The following PPARGC1A variants were observed in gnomAD, a reference collection of about 807,000 sequenced individuals.
PPARGC1A encodes PPARG coactivator 1 alpha, also known as peroxisome proliferator-activated receptor gamma coactivator 1-alpha.
A neutral mutation model predicts 88.7 loss-of-function variants in PPARGC1A; 25 were observed. The ratio of observed to expected loss-of-function variants is 0.28; its 90% CI spans 0.21 to 0.39. PPARGC1A has a LOEUF of 0.39. Ranked by LOEUF, PPARGC1A falls within the 10% of genes least tolerant of loss-of-function variation. The pLI is 1.00. For missense variants in PPARGC1A, 880 were observed against 968.7 expected, an observed-to-expected ratio of 0.91 and a Z score of 1.22; for synonymous variants, 363 against 355.6, an observed-to-expected ratio of 1.02 and a Z score of -0.24.
At chr4:24,181,925 C>T in the PPARGC1A span, among the ~76,000 whole-genome samples, 11 of 151,954 alleles carry the variant, frequency 7.2e-5, no homozygotes, top group Admixed American at 4.6e-4. Flanking sequence ...TGTGAAGGAA[C>T]GTATCCTTCT....
the PPARGC1A span, among the ~76,000 whole-genome samples, chr4:24,377,683 G>A: frequency 2.6e-5 from 4 of 152,202 alleles, no homozygotes; most frequent in Admixed American, 1.3e-4. Context: ...AAAATGTAGC[G>A]TCGATTTCAG....
At chr4:24,136,289 G>A in the PPARGC1A span, among the ~76,000 whole-genome samples, 14 of 152,300 alleles carry the variant, frequency 9.2e-5, no homozygotes, top group African/African-American at 3.1e-4. Flanking sequence ...AAGTCCATTT[G>A]CCATTTACAC....
intron 2 of PPARGC1A, among the ~76,000 whole-genome samples, chr4:23,857,661 T>C (rs1730446981): frequency 6.6e-6 from 1 of 151,646 alleles, no homozygotes; most frequent in Non-Finnish European, 1.5e-5. Context: ...GCCCAGTAGA[T>C]TTGTAAATGC....
At chr4:23,881,146 G>A (rs1715846204) in intron 2 of PPARGC1A, 1 of 152,198 alleles carries the variant, frequency 6.6e-6, no homozygotes, top group South Asian at 2.1e-4. Flanking sequence ...AGGCAACAGA[G>A]GGAAGGAAGT....
chr4:24,104,211 G>A, the PPARGC1A span, among the ~76,000 whole-genome samples: 7 of 152,288 alleles, frequency 4.6e-5, no homozygotes, highest in South Asian at 6.2e-4. Flanking sequence ...TAGAGTGGGC[G>A]CCCTCTTCGT....
chr4:24,216,208 T>G, the PPARGC1A span, among the ~76,000 whole-genome samples: 1 of 145,834 alleles, frequency 6.9e-6, no homozygotes, highest in African/African-American at 2.5e-5. Flanking sequence ...AGTGCAATAG[T>G]GTCATCTCAC....
chr4:23,852,030 T>C (rs762230498), intron 2 of PPARGC1A, among the ~76,000 whole-genome samples: 1 of 152,164 alleles, frequency 6.6e-6, no homozygotes, highest in Non-Finnish European at 1.5e-5. Flanking sequence ...AGAAGCCAGG[T>C]TCTAGTTTTC....
At chr4:24,179,526 C>A in the PPARGC1A span, among the ~76,000 whole-genome samples, 1 of 152,054 alleles carries the variant, frequency 6.6e-6, no homozygotes, top group South Asian at 2.1e-4. Context: ...TAGAACAAGC[C>A]CATGCTAGCC....
At chr4:24,332,320 A>T in the PPARGC1A span, among the ~76,000 whole-genome samples, 451 of 152,070 alleles carry the variant, frequency 3.0e-3, 2 homozygotes, top group Non-Finnish European at 4.2e-3. Context: ...CTCTAGGATG[A>T]CCCCAAGAAG....
At chr4:24,245,929 AC>A in the PPARGC1A span, among the ~76,000 whole-genome samples, 1 of 94,352 alleles carries the variant, frequency 1.1e-5, no homozygotes, top group African/African-American at 4.4e-5. Flanking sequence ...CCATGTGCAC[AC>A]ACACACACAC....
At chr4:24,062,262 G>A in the PPARGC1A span, among the ~76,000 whole-genome samples, 7 of 152,106 alleles carry the variant, frequency 4.6e-5, no homozygotes, top group African/African-American at 9.7e-5. Context: ...TGCAGGATTC[G>A]GCATGAGAAT....
chr4:23,968,109 G>A, the PPARGC1A span, among the ~76,000 whole-genome samples: 19 of 152,270 alleles, frequency 1.2e-4, no homozygotes, highest in Admixed American at 1.0e-3. Flanking sequence ...CCTCATGGTT[G>A]AAATCCTAGA....
At chr4:24,378,397 CAGAA>C in the PPARGC1A span, among the ~76,000 whole-genome samples, 6 of 151,776 alleles carry the variant, frequency 4.0e-5, no homozygotes, top group African/African-American at 1.2e-4. Flanking sequence ...TGTAGGATAG[CAGAA>C]AGAAAGATTT....
At chr4:24,398,669 A>G in the PPARGC1A span, among the ~76,000 whole-genome samples, 1 of 152,220 alleles carries the variant, frequency 6.6e-6, no homozygotes, top group South Asian at 2.1e-4. Context: ...CAAGATGACT[A>G]CATTCTTCAT....
the PPARGC1A span, among the ~76,000 whole-genome samples, chr4:23,978,674 A>G: frequency 1.8e-4 from 27 of 152,200 alleles, no homozygotes; most frequent in African/African-American, 4.8e-5. Context: ...ATTTCTGGGG[A>G]ATTACAGCTA....
chr4:23,857,720 C>A (rs6850405), intron 2 of PPARGC1A, among the ~76,000 whole-genome samples: 1 of 151,792 alleles, frequency 6.6e-6, no homozygotes, highest in Non-Finnish European at 1.5e-5. Flanking sequence ...GGATACACAC[C>A]GAGAGCCAGT....
the PPARGC1A span, among the ~76,000 whole-genome samples, chr4:23,930,123 C>T: frequency 6.6e-6 from 1 of 152,104 alleles, no homozygotes; most frequent in African/African-American, 2.4e-5. Flanking sequence ...CCTAGATATT[C>T]TGTTTCATTT....
chr4:24,336,361 T>G, the PPARGC1A span, among the ~76,000 whole-genome samples: 4 of 152,304 alleles, frequency 2.6e-5, no homozygotes, highest in East Asian at 7.7e-4. Context: ...CCCTAAAAAT[T>G]GCACCCAGCA....
intron 10 of PPARGC1A, among the ~76,000 whole-genome samples, chr4:23,810,073 A>G (rs1720604740): frequency 6.6e-6 from 1 of 152,210 alleles, no homozygotes; most frequent in African/African-American, 2.4e-5. Flanking sequence ...GCAAATATTT[A>G]TTACAGAAAG....
Sources: gnomAD v4.1 joint callset for allele counts (sites outside exome capture counted in the v4.1 genomes callset) on GRCh38, gnomAD v4.1.1 for gene constraint, MANE v1.5 for transcripts, NCBI Gene and HGNC (gene_info 2026-07-23, HGNC 2026-07-21) for gene names.